The following SVOPL variants were observed in gnomAD, a reference collection of about 807,000 sequenced individuals.
The protein encoded by SVOPL is putative transporter SVOPL.
In SVOPL, 60 loss-of-function variants were observed where a neutral mutation model predicts 61.0. The ratio of observed to expected loss-of-function variants is 0.98; its 90% confidence interval spans 0.80 to 1.22. SVOPL has a LOEUF of 1.22. SVOPL is among the 50% of genes most tolerant of loss of function. SVOPL has a pLI of 0.00. For missense variants in SVOPL, 662 were observed against 643.9 expected, an observed-to-expected ratio of 1.03 and a Z score of -0.30; for synonymous variants, 279 against 250.0, an observed-to-expected ratio of 1.12 and a Z score of -1.09.
intron 14 of SVOPL, chr7:138,596,816 A>G: frequency 8.9e-7 from 1 of 1,121,962 alleles, no homozygotes; most frequent in African/African-American, 1.6e-5. Context: ...ATATATGGAA[A>G]AGATGGGGGA....
chr7:138,673,429 G>T (rs1041150617), intron 3 of SVOPL, among the ~76,000 whole-genome samples: 1 of 152,184 alleles, frequency 6.6e-6, no homozygotes, highest in Non-Finnish European at 1.5e-5. Context: ...GGCTGAGGTA[G>T]GCGGATCACT....
rs151146229 is a variant in SVOPL, at chr7:138,601,915, T to C, written c.1354-5385A>G. ...TTTATGTTTTCATAGCATTAATCATTATCTGATGTATTAACTGACTGTTCA... is the reference window on the plus strand; with the variant it reads ...TTTATGTTTTCATAGCATTAATCATCATCTGATGTATTAACTGACTGTTCA... On this transcript the variant is annotated intron_variant, in intron 14 of 15. Coordinates refer to ENST00000674285, the MANE Select transcript of SVOPL (RefSeq NM_001139456.2). 4.6e-5 allele frequency among the ~76,000 whole-genome samples: 7 copies of C among 152,336 alleles called. No individual in the cohort carries two copies. In the East Asian group the frequency reaches 1.3e-3, roughly 29 times the overall value.
intron 13 of SVOPL, among the ~76,000 whole-genome samples, chr7:138,624,095 C>T (rs1563098233): frequency 6.6e-6 from 1 of 152,220 alleles, no homozygotes; most frequent in Non-Finnish European, 1.5e-5. Flanking sequence ...GCTAGGATTA[C>T]AGGCGTGAGC....
intron 9 of SVOPL, among the ~76,000 whole-genome samples, chr7:138,632,163 G>A (rs568868957): frequency 2.5e-4 from 38 of 152,336 alleles, no homozygotes; most frequent in Middle Eastern, 3.4e-3. Context: ...CAGACACGGT[G>A]GTTCATGCCT....
rs767816908 is a variant in SVOPL, at chr7:138,628,305, G to A, written c.922C>T (p.Arg308Trp). 2.7e-5 allele frequency: 43 copies of A among 1,613,988 alleles called. No individual in the cohort carries two copies. The highest frequency in any genetic ancestry group is 4.5e-5 in the East Asian group (2 of 44,900). The part of the protein sequence containing the change: ...VILASAELLE[R>W]DLVCGSKSDS... ...GACTTTGAACCACAGACCAAGTCCC[G>A]CTCCAGCAGCTCAGCACTGGCCAGG... Residue 308 changes from arginine (R) to tryptophan (W), a missense_variant, in exon 11 of 16, where the codon CGG (arginine) becomes TGG (tryptophan). Physicochemically the swap from Arg to Trp is moderately radical, Grantham distance 101. Transcript: ENST00000674285.
intron 1 of SVOPL, among the ~76,000 whole-genome samples, chr7:138,683,208 A>T (rs971066178): frequency 2.0e-5 from 3 of 152,162 alleles, no homozygotes; most frequent in African/African-American, 7.2e-5. Flanking sequence ...ATTTTAAAAT[A>T]AATAATAGGG....
chr7:138,654,638 T>C (rs1278114153), intron 7 of SVOPL, among the ~76,000 whole-genome samples: 1 of 151,760 alleles, frequency 6.6e-6, no homozygotes, highest in Admixed American at 6.6e-5. Context: ...TAGCTGGGAC[T>C]ACAGGCGGTT....
intron 9 of SVOPL, among the ~76,000 whole-genome samples, chr7:138,642,848 A>AAAAAAAAAAAAAG (rs1437306629): frequency 2.8e-5 from 1 of 35,448 alleles, no homozygotes; most frequent in African/African-American, 5.5e-5. Context: ...AAAAAAAAAA[A>AAAAAAAAAAAAAG]AAGAAGAAAC....
At chr7:138,609,525 G>A (rs1798900851) in intron 14 of SVOPL, among the ~76,000 whole-genome samples, 1 of 151,558 alleles carries the variant, frequency 6.6e-6, no homozygotes, top group Non-Finnish European at 1.5e-5. Context: ...AGGGTGTGGT[G>A]GTGAGCACCT....
chr7:138,668,542 C>T (rs1802333067), intron 4 of SVOPL, among the ~76,000 whole-genome samples: 3 of 152,144 alleles, frequency 2.0e-5, no homozygotes, highest in Admixed American at 1.3e-4. Flanking sequence ...AGATGTGCTG[C>T]TGTGATTGGG....
chr7:138,655,355 A>T (rs964891663), intron 7 of SVOPL, among the ~76,000 whole-genome samples: 16 of 152,068 alleles, frequency 1.1e-4, no homozygotes, highest in African/African-American at 1.7e-4. Flanking sequence ...AATATAAAAA[A>T]TTAGCTGGGC....
intron 9 of SVOPL, among the ~76,000 whole-genome samples, chr7:138,633,433 T>C (rs558472930): frequency 3.8e-4 from 58 of 152,220 alleles, no homozygotes; most frequent in Non-Finnish European, 8.2e-4. Flanking sequence ...TAAAAGAGCC[T>C]CGCACCTCTC....
At chr7:138,622,489 C>CG (rs766847466) in intron 13 of SVOPL, among the ~76,000 whole-genome samples, 7,586 of 86,926 alleles carry the variant, frequency 0.087, 223 homozygotes, top group Middle Eastern at 0.15. Context: ...GAGGCAGCGG[C>CG]GGGCGGGGGG....
In SVOPL at chr7:138,595,523, T is replaced by C. The variant is rs1798243301; in HGVS notation, c.1467+894A>G. 2.0e-5 allele frequency among the ~76,000 whole-genome samples: 3 copies of C among 152,138 alleles called. No individual in the cohort carries two copies. The South Asian group carries it at 6.2e-4, about 32-fold the overall frequency. On this transcript the variant is annotated intron_variant, in intron 15 of 15. Transcript: ENST00000674285. ...AGGTGGATATGACTTGAATAGGAGA[T>C]TCTAGATGGTGAGTCAGGTTTCCAT...
intron 8 of SVOPL, chr7:138,645,646 G>A (rs1362794803): frequency 6.5e-6 from 1 of 153,498 alleles, no homozygotes; most frequent in African/African-American, 2.4e-5. Context: ...AAACAGTCCA[G>A]AGATCTTTTT....
intron 5 of SVOPL, chr7:138,660,473 C>T (rs961862672): frequency 3.0e-6 from 3 of 986,280 alleles, no homozygotes; most frequent in Non-Finnish European, 3.6e-6. Flanking sequence ...ACTCTTAACA[C>T]TGTTTTATCT....
At chr7:138,668,943 G>A (rs1283475954) in intron 4 of SVOPL, among the ~76,000 whole-genome samples, 1 of 152,192 alleles carries the variant, frequency 6.6e-6, no homozygotes, top group Admixed American at 6.5e-5. Context: ...TCTCTTTAGT[G>A]AGGATTTTGA....
intron 14 of SVOPL, among the ~76,000 whole-genome samples, chr7:138,599,945 C>T (rs1224430619): frequency 1.3e-5 from 2 of 150,238 alleles, no homozygotes; most frequent in African/African-American, 4.9e-5. Context: ...ACACTGAAAG[C>T]CTCTGAACTT....
At chr7:138,631,045 A>G (rs1800161174) in intron 9 of SVOPL, among the ~76,000 whole-genome samples, 3 of 151,982 alleles carry the variant, frequency 2.0e-5, no homozygotes, top group South Asian at 2.1e-4. Flanking sequence ...AGGGCACGCC[A>G]TTGAAAACCA....
Sources: gnomAD v4.1 joint callset for allele counts (sites outside exome capture counted in the v4.1 genomes callset) on GRCh38, gnomAD v4.1.1 for gene constraint, MANE v1.5 for transcripts, NCBI Gene and HGNC (gene_info 2026-07-23, HGNC 2026-07-21) for gene names.